SASH1: variants seen among roughly 807,000 people sequenced by gnomAD.
The protein encoded by SASH1 is SAM and SH3 domain-containing protein 1.
Under a neutral mutation model 125.2 loss-of-function variants are expected in SASH1, and 44 were observed. The ratio of observed to expected loss-of-function variants is 0.35; its 90% CI spans 0.28 to 0.45. SASH1 has a LOEUF of 0.45. SASH1 is among the 20% of genes least tolerant of loss of function. The probability of loss-of-function intolerance (pLI) is 1.00; values close to 1 mark genes in which losing one functional copy is unlikely to be tolerated. For missense variants in SASH1, 1,426 were observed against 1,614.5 expected (o/e 0.88, Z 2.00); for synonymous variants, 639 against 649.1 (o/e 0.98, Z 0.24).
chr6:148,240,283 C>T, the SASH1 span, among the ~76,000 whole-genome samples: 1 of 151,966 alleles, frequency 6.6e-6, no homozygotes, highest in Non-Finnish European at 1.5e-5. Context: ...CCCGAGGTTG[C>T]ACTGCAGTTT....
Position 148,552,026 on chromosome 6 carries a change from A to G in SASH1, c.*3468A>G, listed in dbSNP as rs1782896502. Reference sequence around the variant, plus strand: ...CATCTATGTACCTAGAAAAAAGTAAATAAATTTCTTCAGTTGAATATGCCT... The same window carrying G: ...CATCTATGTACCTAGAAAAAAGTAAGTAAATTTCTTCAGTTGAATATGCCT... On this transcript the variant is annotated 3_prime_UTR_variant, in exon 20 of 20. Coordinates refer to ENST00000367467, the MANE Select transcript of SASH1 (RefSeq NM_015278.5). 1 of 152,658 alleles carries G rather than the reference A, an allele frequency of 6.6e-6. No homozygotes were observed. The highest frequency in any genetic ancestry group is 1.5e-5 in the Non-Finnish European group (1 of 68,046). The allele number at this position is 152,658 out of a possible 1,614,324, so 9.5% of individuals were successfully genotyped here.
In SASH1 at chr6:148,496,825, AT is replaced by A. The variant is rs1779330570; in HGVS notation, c.729+9112del. Among the ~76,000 whole-genome samples the A allele has an allele frequency of 1.3e-5, 2 of 152,074 alleles. 1 individual carries two copies. ...GAGGCCGAAACTGCAGTGAGCTATG[AT>A]TGTACCACTGCACTCCAGCCTAGGT... is the stretch of plus-strand genomic sequence containing the variant. On this transcript the variant is annotated intron_variant, in intron 8 of 19. Transcript: ENST00000367467.
At chr6:148,449,078 C>CTTTTTCTTTTTCTTTTTTT in intron 4 of SASH1, among the ~76,000 whole-genome samples, 3,380 of 88,214 alleles carry the variant, frequency 0.038, 164 homozygotes, top group Non-Finnish European at 0.056. Flanking sequence ...CATTTCATTT[C>CTTTTTCTTTTTCTTTTTTT]TTTTTTTTTT....
At chr6:148,288,641 C>T (rs76793028) in intron 1 of SASH1, among the ~76,000 whole-genome samples, 2,693 of 152,098 alleles carry the variant, frequency 0.018, 37 homozygotes, top group Non-Finnish European at 0.029. Flanking sequence ...GCAAATCCCA[C>T]GCCAGCACTA....
intron 1 of SASH1, among the ~76,000 whole-genome samples, chr6:148,281,018 A>G (rs966042246): frequency 5.3e-5 from 8 of 150,636 alleles, no homozygotes; most frequent in Admixed American, 4.6e-4. Flanking sequence ...ATCTTGGCTC[A>G]CTGAACCTCC....
At chr6:148,412,986 A>G (rs1325440027) in intron 2 of SASH1, among the ~76,000 whole-genome samples, 2 of 152,108 alleles carry the variant, frequency 1.3e-5, no homozygotes, top group Non-Finnish European at 2.9e-5. Flanking sequence ...GAAACTGTAA[A>G]CCTGTTGTTT....
chr6:148,269,249 A>C (rs1779006494), upstream of SASH1, among the ~76,000 whole-genome samples: 1 of 151,842 alleles, frequency 6.6e-6, no homozygotes, highest in African/African-American at 2.4e-5. Context: ...AGCTATGGGC[A>C]CTCCCAATTG....
chr6:148,368,770 G>GCACACACACACA (rs377455429), intron 1 of SASH1, among the ~76,000 whole-genome samples: 1,906 of 135,734 alleles, frequency 0.014, 23 homozygotes, highest in Non-Finnish European at 0.019. Flanking sequence ...GCACGCGCGC[G>GCACACACACACA]CACACACACA....
the SASH1 span, among the ~76,000 whole-genome samples, chr6:148,194,763 C>T: frequency 6.6e-6 from 1 of 152,110 alleles, no homozygotes; most frequent in African/African-American, 2.4e-5. Context: ...AAAAATTAGC[C>T]GGTTGTGGGG....
chr6:148,355,339 G>T (rs1781889806), intron 1 of SASH1, among the ~76,000 whole-genome samples: 1 of 152,178 alleles, frequency 6.6e-6, no homozygotes, highest in Non-Finnish European at 1.5e-5. Context: ...GTGACGCCCA[G>T]GTGGTGATTT....
At chr6:148,386,481 TGTGTATAAGA>T (rs1279046303) in intron 1 of SASH1, among the ~76,000 whole-genome samples, 17 of 152,190 alleles carry the variant, frequency 1.1e-4, no homozygotes, top group Non-Finnish European at 1.8e-4. Context: ...TGTGGACCTC[TGTGTATAAGA>T]GACAGAGAGA....
At chr6:148,319,193 C>T (rs994895849) in intron 1 of SASH1, among the ~76,000 whole-genome samples, 5 of 151,660 alleles carry the variant, frequency 3.3e-5, no homozygotes, top group African/African-American at 9.7e-5. Context: ...CCACCACGTC[C>T]GGCTAATTCT....
the SASH1 span, among the ~76,000 whole-genome samples, chr6:148,234,148 T>C: frequency 6.6e-6 from 1 of 151,716 alleles, no homozygotes; most frequent in African/African-American, 2.4e-5. Context: ...AGGAATCCTC[T>C]CACCTCAGCC....
chr6:148,518,236 T>A (rs1780555285), intron 9 of SASH1, among the ~76,000 whole-genome samples: 1 of 152,122 alleles, frequency 6.6e-6, no homozygotes, highest in Admixed American at 6.5e-5. Flanking sequence ...AAAGTCCCCC[T>A]GAAAGATCCC....
At chr6:148,525,769 G>A (rs957333261) in intron 11 of SASH1, among the ~76,000 whole-genome samples, 1 of 152,188 alleles carries the variant, frequency 6.6e-6, no homozygotes. Flanking sequence ...AAGAGTATGT[G>A]CTGGCATTTT....
At chr6:148,368,740 A>G (rs1782575176) in intron 1 of SASH1, among the ~76,000 whole-genome samples, 1 of 98,134 alleles carries the variant, frequency 1.0e-5, no homozygotes, top group African/African-American at 3.4e-5. Context: ...TCATCCTTCC[A>G]ACCTCCCCCA....
At chr6:148,263,080 G>C in the SASH1 span, among the ~76,000 whole-genome samples, 15 of 152,192 alleles carry the variant, frequency 9.9e-5, no homozygotes, top group African/African-American at 3.6e-4. Context: ...AGAAACAGCA[G>C]ACAGCATTGC....
intron 2 of SASH1, 117 bp downstream of exon 2, chr6:148,390,379 A>G (rs915887221): frequency 5.0e-6 from 5 of 1,005,488 alleles, no homozygotes; most frequent in Non-Finnish European, 5.8e-6. Context: ...AGGCTGCTGC[A>G]CTAGTGTGGG....
the SASH1 span, among the ~76,000 whole-genome samples, chr6:148,242,290 C>T: frequency 1.3e-5 from 2 of 152,228 alleles, no homozygotes; most frequent in Non-Finnish European, 2.9e-5. Flanking sequence ...TGAACGACTT[C>T]TCCATTCCAG....
Sources: gnomAD v4.1 joint callset for allele counts (sites outside exome capture counted in the v4.1 genomes callset) on GRCh38, gnomAD v4.1.1 for gene constraint, MANE v1.5 for transcripts, NCBI Gene and HGNC (gene_info 2026-07-23, HGNC 2026-07-21) for gene names.